The following ANKRD44 variants were observed in gnomAD, a reference collection of about 807,000 sequenced individuals.
ANKRD44 encodes serine/threonine-protein phosphatase 6 regulatory ankyrin repeat subunit B.
A neutral mutation model predicts 116.0 loss-of-function variants in ANKRD44; 35 were observed. That is an observed-to-expected ratio of 0.30 (90% confidence interval 0.23 to 0.40). The LOEUF is 0.40. ANKRD44 is among the 10% of genes least tolerant of loss of function. The pLI is 1.00. For missense variants in ANKRD44, 1,014 were observed against 1,242.6 expected (o/e 0.82, Z 2.77); for synonymous variants, 435 against 461.8 (o/e 0.94, Z 0.74).
chr2:197,074,116 T>C (rs2077616294), intron 16 of ANKRD44, among the ~76,000 whole-genome samples: 1 of 152,226 alleles, frequency 6.6e-6, no homozygotes, highest in African/African-American at 2.4e-5. Context: ...TATCAAAATA[T>C]CCATGCTCAC....
chr2:196,988,741 T>C lies in ANKRD44; in HGVS notation c.*850A>G, dbSNP rs1574222857. 6.1e-6 allele frequency: 6 copies of C among 985,472 alleles called. No individual in the cohort carries two copies. The South Asian group carries it at 2.3e-4, about 39-fold the overall frequency. 61.0% of individuals were successfully genotyped at this position (985,472 alleles called of 1,614,324 possible). The stretch of plus-strand genomic sequence containing the variant: ...GCTCTAATTCGACACATTTCTTTTC[T>C]GTCTCTTCCTCAAGTAGAAAATAGC... On this transcript the variant is annotated 3_prime_UTR_variant, in exon 28 of 28. Transcript: ENST00000282272.
At chr2:197,156,332 C>T (rs1416279887) in intron 2 of ANKRD44, among the ~76,000 whole-genome samples, 5 of 148,606 alleles carry the variant, frequency 3.4e-5, no homozygotes, top group Non-Finnish European at 5.9e-5. Flanking sequence ...GGCGACAGAG[C>T]GAGACTCCGT....
intron 2 of ANKRD44, among the ~76,000 whole-genome samples, chr2:197,179,448 C>T (rs1287195284): frequency 3.3e-5 from 5 of 152,190 alleles, no homozygotes; most frequent in African/African-American, 1.2e-4. Flanking sequence ...CAATTACATC[C>T]TCTGTCCAAA....
chr2:197,287,556 C>T (rs1174474563), intron 1 of ANKRD44, among the ~76,000 whole-genome samples: 2 of 152,180 alleles, frequency 1.3e-5, no homozygotes, highest in East Asian at 3.8e-4. Context: ...TTGAACACTA[C>T]ACAGAAAAGC....
In ANKRD44 at chr2:197,017,661, A is replaced by G. The variant is rs561967139; in HGVS notation, c.1723-3949T>C. 2.0e-5 allele frequency among the ~76,000 whole-genome samples: 3 copies of G among 152,284 alleles called. No homozygotes were observed. The South Asian group carries it at 6.2e-4, about 32-fold the overall frequency. On this transcript the variant is annotated intron_variant, in intron 17 of 27. Coordinates refer to ENST00000282272, the MANE Select transcript of ANKRD44 (RefSeq NM_001195144.2). ...AACTTGTATGTCCAGCTGCCTATTG[A>G]TGTTCCCACTTGAATGTGTAATAGG...
At position 197,125,442 on chromosome 2, in the gene ANKRD44, C is replaced by T. The variant is rs1326063372; in HGVS notation, c.489G>A (p.Gly163=). Residue 163 remains glycine, a synonymous_variant, in exon 6 of 28, where the codon GGG becomes GGA. Transcript: ENST00000282272. ...VEMVNLLLAK[G]ANINAFDKKD... is the part of the protein sequence containing the mutation. ...TCTTGTCAAATGCATTGATATTTGC[C>T]CCTTTGGCCAAGAGTAAATTGACCA... is the stretch of plus-strand genomic sequence containing the variant. The T allele has an allele frequency of 8.7e-6, 14 of 1,613,852 alleles. No individual in the cohort carries two copies. The South Asian group carries it at 1.4e-4, about 16-fold the overall frequency.
intron 8 of ANKRD44, among the ~76,000 whole-genome samples, chr2:197,115,141 G>C (rs1027150650): frequency 2.0e-5 from 3 of 152,196 alleles, no homozygotes; most frequent in African/African-American, 7.2e-5. Flanking sequence ...AGAGCCTGCA[G>C]ACAGAAAAGA....
At chr2:197,070,201 T>C (rs1376638105) in intron 16 of ANKRD44, among the ~76,000 whole-genome samples, 1 of 152,156 alleles carries the variant, frequency 6.6e-6, no homozygotes, top group East Asian at 1.9e-4. Context: ...AACAGTTTTG[T>C]TTATTCCTTT....
intron 16 of ANKRD44, among the ~76,000 whole-genome samples, chr2:197,066,967 C>T (rs774542597): frequency 3.9e-5 from 6 of 152,162 alleles, no homozygotes; most frequent in East Asian, 1.9e-4. Flanking sequence ...AAAGAGCCCG[C>T]GTTGCCAAGA....
At chr2:197,255,893 G>A (rs551662384) in intron 1 of ANKRD44, among the ~76,000 whole-genome samples, 25 of 152,358 alleles carry the variant, frequency 1.6e-4, no homozygotes, top group Middle Eastern at 3.4e-3. Flanking sequence ...GTTTAATCAC[G>A]CATCTGTGCT....
chr2:197,192,868 A>AG (rs2080857486), intron 1 of ANKRD44, among the ~76,000 whole-genome samples: 6 of 152,352 alleles, frequency 3.9e-5, no homozygotes, highest in Admixed American at 3.3e-4. Context: ...ATACAAAAAT[A>AG]TACTGAGTCC....
chr2:196,990,525 A>C (rs2075897384), intron 27 of ANKRD44: 1 of 1,228,530 alleles, frequency 8.1e-7, no homozygotes, highest in South Asian at 4.3e-5. Context: ...GTTCCACCCA[A>C]CAGCCTCACT....
downstream of ANKRD44, among the ~76,000 whole-genome samples, chr2:196,985,463 C>A (rs2075830163): frequency 6.6e-6 from 1 of 152,100 alleles, no homozygotes. Flanking sequence ...TGAAAAGCAC[C>A]CAGATTTGTA....
At chr2:197,248,271 A>T (rs2082235195) in intron 1 of ANKRD44, among the ~76,000 whole-genome samples, 1 of 151,640 alleles carries the variant, frequency 6.6e-6, no homozygotes, top group Non-Finnish European at 1.5e-5. Context: ...TCATCCAATC[A>T]GTTAAAAACC....
intron 16 of ANKRD44, among the ~76,000 whole-genome samples, chr2:197,057,241 A>G (rs1320919999): frequency 6.6e-6 from 1 of 152,180 alleles, no homozygotes; most frequent in African/African-American, 2.4e-5. Context: ...ACTTGCATTG[A>G]TTGAAATGTT....
intron 1 of ANKRD44, chr2:197,299,531 G>T (rs899476272): frequency 6.6e-6 from 1 of 152,172 alleles, no homozygotes; most frequent in African/African-American, 2.4e-5. Flanking sequence ...GGCATTTGCA[G>T]CAACCTGGAT....
chr2:197,286,369 C>CT (rs763446070), intron 1 of ANKRD44, among the ~76,000 whole-genome samples: 3,500 of 123,628 alleles, frequency 0.028, 48 homozygotes, highest in Middle Eastern at 0.052. Context: ...ACTTCTTCTA[C>CT]TTTTTTTTTT....
chr2:197,039,231 A>G (rs1266835308), intron 16 of ANKRD44, among the ~76,000 whole-genome samples: 1 of 152,198 alleles, frequency 6.6e-6, no homozygotes, highest in Non-Finnish European at 1.5e-5. Context: ...GACAGGATAG[A>G]GAAGAGAGAT....
chr2:197,264,314 G>A (rs946664874), intron 1 of ANKRD44, among the ~76,000 whole-genome samples: 3 of 152,178 alleles, frequency 2.0e-5, no homozygotes, highest in Non-Finnish European at 4.4e-5. Flanking sequence ...ATAGATGAGA[G>A]TAAAATAAAC....
Sources: allele counts gnomAD v4.1 joint callset (sites outside exome capture counted in the v4.1 genomes callset), GRCh38; gene constraint gnomAD v4.1.1; transcripts MANE v1.5; gene names NCBI Gene and HGNC (gene_info 2026-07-23, HGNC 2026-07-21).